The following CTNNA3 variants were observed in gnomAD, a reference collection of about 807,000 sequenced individuals.
CTNNA3 encodes the protein catenin alpha-3.
In CTNNA3, 76 loss-of-function variants were observed where a neutral mutation model predicts 95.7. The observed-to-expected ratio is 0.79, with a 90% CI of 0.66 to 0.96. CTNNA3 has a LOEUF of 0.96. Ranked by LOEUF, CTNNA3 falls within the 40% of genes least tolerant of loss-of-function variation. CTNNA3 has a pLI of 0.00. For missense variants in CTNNA3, 1,191 were observed against 1,089.8 expected, an observed-to-expected ratio of 1.09 and a Z score of -1.31; for synonymous variants, 431 against 374.4, an observed-to-expected ratio of 1.15 and a Z score of -1.74.
At chr10:67,061,398 A>G (rs1855748013) in intron 7 of CTNNA3, among the ~76,000 whole-genome samples, 1 of 152,162 alleles carries the variant, frequency 6.6e-6, no homozygotes, top group South Asian at 2.1e-4. Flanking sequence ...TAATTTTTAG[A>G]TGTGGTATCA....
chr10:67,266,623 G>A (rs1406491554), intron 5 of CTNNA3, among the ~76,000 whole-genome samples: 1 of 152,112 alleles, frequency 6.6e-6, no homozygotes, highest in Non-Finnish European at 1.5e-5. Flanking sequence ...CCCACAGTGA[G>A]TAACTATCAT....
chr10:66,062,806 G>T (rs73310110), intron 15 of CTNNA3, among the ~76,000 whole-genome samples: 3,451 of 152,146 alleles, frequency 0.023, 134 homozygotes, highest in African/African-American at 0.079. Context: ...AGAATGTTGG[G>T]CTGCTTAGCT....
In CTNNA3 at chr10:67,209,295, C is replaced by T. The variant is rs186779481; in HGVS notation, c.843+10312G>A. On this transcript the variant is annotated intron_variant, in intron 6 of 17. Transcript: ENST00000433211. ...ACCTCCTAACCTCAGGTGATCCACC[C>T]GCCTTGGCCTCACAAAGTGCTGGGA... Among the ~76,000 whole-genome samples, 149 of 152,226 alleles carry T rather than the reference C, an allele frequency of 9.8e-4. 2 individuals carry two copies. The highest frequency in any genetic ancestry group is 3.4e-3 in the African/African-American group (143 of 41,548).
At chr10:66,017,710 A>G (rs1173784348) in intron 15 of CTNNA3, among the ~76,000 whole-genome samples, 1 of 152,120 alleles carries the variant, frequency 6.6e-6, no homozygotes, top group African/African-American at 2.4e-5. Context: ...TCATGTGGCC[A>G]AACAGAACTA....
intron 7 of CTNNA3, among the ~76,000 whole-genome samples, chr10:66,849,769 C>G (rs925763970): frequency 6.6e-6 from 1 of 152,096 alleles, no homozygotes; most frequent in African/African-American, 2.4e-5. Context: ...TTCAGACTTC[C>G]GGCCTCCAAA....
intron 7 of CTNNA3, among the ~76,000 whole-genome samples, chr10:67,152,376 T>C (rs941337472): frequency 3.3e-5 from 5 of 152,226 alleles, no homozygotes; most frequent in Non-Finnish European, 7.3e-5. Flanking sequence ...CTAAAAATTA[T>C]GTGCCCGTTA....
chr10:66,337,175 A>G (rs186039052), intron 12 of CTNNA3, among the ~76,000 whole-genome samples: 10 of 152,240 alleles, frequency 6.6e-5, no homozygotes, highest in African/African-American at 2.2e-4. Flanking sequence ...TAATTTGTAA[A>G]CAAATTTTTA....
chr10:67,430,338 G>A (rs540868686), intron 5 of CTNNA3, among the ~76,000 whole-genome samples: 15 of 151,846 alleles, frequency 9.9e-5, no homozygotes, highest in Non-Finnish European at 1.9e-4. Context: ...TGTAATCAAG[G>A]CAGTATCACT....
At chr10:66,962,256 G>A (rs192747293) in intron 7 of CTNNA3, among the ~76,000 whole-genome samples, 1 of 152,094 alleles carries the variant, frequency 6.6e-6, no homozygotes, top group Non-Finnish European at 1.5e-5. Context: ...TTTTCTCACT[G>A]ACCTTATCAC....
chr10:66,443,680 C>T (rs2093393477), intron 11 of CTNNA3, among the ~76,000 whole-genome samples: 1 of 151,972 alleles, frequency 6.6e-6, no homozygotes, highest in Non-Finnish European at 1.5e-5. Flanking sequence ...CTGTACGTTG[C>T]CATCATCAAA....
intron 14 of CTNNA3, among the ~76,000 whole-genome samples, chr10:66,100,312 A>C (rs7908700): frequency 2.0e-5 from 3 of 151,958 alleles, no homozygotes; most frequent in African/African-American, 7.3e-5. Context: ...TGCCTCATAT[A>C]AGGTTGTATA....
intron 11 of CTNNA3, among the ~76,000 whole-genome samples, chr10:66,384,274 A>G (rs543873842): frequency 6.6e-6 from 1 of 152,130 alleles, no homozygotes; most frequent in Non-Finnish European, 1.5e-5. Flanking sequence ...AATGGAAAAC[A>G]AAAAAAAGCA....
At chr10:67,304,837 T>G (rs1341488891) in intron 5 of CTNNA3, among the ~76,000 whole-genome samples, 1 of 151,988 alleles carries the variant, frequency 6.6e-6, no homozygotes, top group Admixed American at 6.6e-5. Context: ...CTAGACTCTG[T>G]GATCAGAGAA....
At chr10:66,425,761 G>A (rs1159433562) in intron 11 of CTNNA3, among the ~76,000 whole-genome samples, 1 of 151,576 alleles carries the variant, frequency 6.6e-6, no homozygotes. Flanking sequence ...TGTATACAAT[G>A]TTCATAAAGT....
rs546475375 is a variant in CTNNA3, at chr10:67,123,258, C to T, written c.1047+57059G>A. 2.3e-4 allele frequency among the ~76,000 whole-genome samples: 35 copies of T among 152,244 alleles called. No individual in the cohort carries two copies. The South Asian group carries it at 7.0e-3, about 31-fold the overall frequency. On this transcript the variant is annotated intron_variant, in intron 7 of 17. Transcript: ENST00000433211. ...AACTGATAAGCTACAGCCCTAGAGA[C>T]CAGGTCTCTGCATTTAATTTGTTTA...
rs138666496 is a variant in CTNNA3 at position 65,983,153 on chromosome 10, G to A, written c.2265+5539C>T. 2.4e-4 allele frequency among the ~76,000 whole-genome samples: 36 copies of A among 151,642 alleles called. No homozygotes were observed. The East Asian group carries it at 6.4e-3, about 27-fold the overall frequency. On this transcript the variant is annotated intron_variant, in intron 16 of 17. Coordinates refer to ENST00000433211, the MANE Select transcript of CTNNA3 (RefSeq NM_013266.4). ...CCAATGTATTTAACACTAAAAGTTC[G>A]TTTTAATTTTGTTCAGTTACAATTA...
chr10:66,264,295 A>G (rs2091092567), intron 13 of CTNNA3, among the ~76,000 whole-genome samples: 1 of 151,904 alleles, frequency 6.6e-6, no homozygotes, highest in Non-Finnish European at 1.5e-5. Context: ...CCCCAAAGCC[A>G]CATTTGTTTC....
At chr10:67,690,277 C>A (rs1176038659) in intron 1 of CTNNA3, among the ~76,000 whole-genome samples, 2 of 152,144 alleles carry the variant, frequency 1.3e-5, no homozygotes, top group African/African-American at 2.4e-5. Context: ...CAGACCCTCA[C>A]GGTGAGTGTT....
rs571004184 is a variant in CTNNA3 at position 67,757,781 on chromosome 10, C to T, written c.-2+5653G>A. On this transcript the variant is annotated intron_variant, in intron 1 of 17. Coordinates refer to the CTNNA3 transcript ENST00000684154. The stretch of plus-strand genomic sequence containing the variant: ...ACTGGCTTCCTTGCTCCTCAATCTG[C>T]GGACAGCCTATCGTGGGACTTTACC... Among the ~76,000 whole-genome samples the T allele has an allele frequency of 9.2e-5, 14 of 152,276 alleles. No homozygotes were observed. The South Asian group carries it at 1.7e-3, about 18-fold the overall frequency.
Sources: gnomAD v4.1 joint callset for allele counts (sites outside exome capture counted in the v4.1 genomes callset) on GRCh38, gnomAD v4.1.1 for gene constraint, MANE v1.5 for transcripts, NCBI Gene and HGNC (gene_info 2026-07-23, HGNC 2026-07-21) for gene names.